Variants in FUBP3 observed in about 807,000 individuals in gnomAD.
FUBP3 encodes far upstream element-binding protein 3.
FUBP3 carries 28 observed loss-of-function variants against 85.6 expected under a neutral mutation model. The observed-to-expected ratio is 0.33, with a 90% confidence interval of 0.24 to 0.45. The LOEUF is 0.45. Among genes scored for constraint, FUBP3 ranks in the 20% least tolerant of loss-of-function variants. The pLI is 1.00. For synonymous variants in FUBP3, 271 were observed against 271.4 expected (o/e 1.00, Z 0.01); for missense variants, 583 against 755.1 (o/e 0.77, Z 2.67).
chr9:130,612,572 G>T lies in FUBP3; in HGVS notation c.274+67G>T. The stretch of plus-strand genomic sequence containing the variant: ...CTTCTTTTTCTCTCTTTTTTTCTGA[G>T]CTGCTTTGCCAGGATGTTCTTTTTG... On this transcript the variant is annotated intron_variant, in intron 4 of 18. Coordinates refer to ENST00000319725, the MANE Select transcript of FUBP3 (RefSeq NM_003934.2). This position sits in a 1 kb window ranked among gnomAD's most constrained non-coding sequence, Gnocchi z 4.1. 1 of 1,005,672 alleles carries T rather than the reference G, an allele frequency of 9.9e-7. No individual in the cohort carries two copies. The allele number at this position is 1,005,672 out of a possible 1,614,324, so 62.3% of individuals were successfully genotyped here. A position where few individuals can be genotyped will look rare whatever the true frequency, so the allele number is the denominator to read the frequency against.
chr9:130,631,081 C>T, intron 13 of FUBP3: 11 of 1,070,866 alleles, frequency 1.0e-5, no homozygotes, highest in Non-Finnish European at 1.3e-5. Context: ...CGGCAGCCTC[C>T]CCCCACGCTG....
intron 12 of FUBP3, among the ~76,000 whole-genome samples, chr9:130,626,922 T>G (rs1003659592): frequency 6.6e-6 from 1 of 152,238 alleles, no homozygotes; most frequent in African/African-American, 2.4e-5. Flanking sequence ...CTTGTTTCCC[T>G]TACCAGGTTT....
chr9:130,589,690 TATATATATA>T (rs1830512917), intron 1 of FUBP3, among the ~76,000 whole-genome samples: 2 of 30,790 alleles, frequency 6.5e-5, no homozygotes, highest in African/African-American at 2.6e-4. Flanking sequence ...TATATATATA[TATATATATA>T]TATATATTTT....
intron 8 of FUBP3, among the ~76,000 whole-genome samples, chr9:130,619,319 T>C (rs1055235457): frequency 4.4e-4 from 63 of 141,806 alleles, no homozygotes; most frequent in Middle Eastern, 3.5e-3. Flanking sequence ...TTTTTTTTTT[T>C]CATTTAGGAG....
intron 7 of FUBP3, among the ~76,000 whole-genome samples, chr9:130,617,368 TC>T (rs1832061093): frequency 6.6e-6 from 1 of 152,194 alleles, no homozygotes; most frequent in South Asian, 2.1e-4. Context: ...AGGGAGTTTA[TC>T]ATTTGGGATC....
At position 130,635,970 on chromosome 9, in the gene FUBP3, T is replaced by TA. The variant is rs1830400482; in HGVS notation, c.1583-27dup. ...CTGCCCAGTGCACCTCCGCTCCCGA[T>TA]AACCTGTGTTTCCTCCTTTGTCAAC... On this transcript the variant is annotated intron_variant, in intron 17 of 18. Coordinates refer to ENST00000319725, the MANE Select transcript of FUBP3 (RefSeq NM_003934.2). The surrounding 1 kb of genome is among the most constrained non-coding windows in gnomAD (Gnocchi z 4.3). 6.2e-7 allele frequency: 1 copy of TA among 1,610,790 alleles called. No individual in the cohort carries two copies. Among genetic ancestry groups the TA allele is most frequent in the African/African-American group, 1.3e-5 (1 of 74,898 alleles).
At chr9:130,620,846 G>A (rs1331485478) in intron 9 of FUBP3, among the ~76,000 whole-genome samples, 3 of 152,168 alleles carry the variant, frequency 2.0e-5, no homozygotes, top group African/African-American at 7.2e-5. Flanking sequence ...TGTTGTATGC[G>A]ACAACATGGA....
chr9:130,624,004 TAA>T (rs143193464), intron 11 of FUBP3, among the ~76,000 whole-genome samples: 2,030 of 151,990 alleles, frequency 0.013, 65 homozygotes, highest in East Asian at 0.099. Context: ...AAGTTTCAAA[TAA>T]TCAAGTGTAT....
At chr9:130,624,157 G>A (rs532784709) in intron 11 of FUBP3, among the ~76,000 whole-genome samples, 1 of 152,296 alleles carries the variant, frequency 6.6e-6, no homozygotes. Context: ...ACAGTGCTAG[G>A]AACCCCTATA....
chr9:130,636,654 C>T (rs138454849), intron 18 of FUBP3, among the ~76,000 whole-genome samples: 7 of 152,340 alleles, frequency 4.6e-5, no homozygotes, highest in South Asian at 2.1e-4. Context: ...GAAGGGAAGA[C>T]GTCCAAATGT....
intron 1 of FUBP3, among the ~76,000 whole-genome samples, chr9:130,589,675 G>GTATATATATATATATATATATATATA (rs1170568300): frequency 5.8e-5 from 2 of 34,312 alleles, no homozygotes; most frequent in East Asian, 1.1e-3. Context: ...GTATGTGTGT[G>GTATATATATATATATATATATATATA]TATATATATA....
chr9:130,612,624 T>A lies in FUBP3; in HGVS notation c.274+119T>A. On this transcript the variant is annotated intron_variant, in intron 4 of 18. Transcript: ENST00000319725. This position sits in a 1 kb window ranked among gnomAD's most constrained non-coding sequence, Gnocchi z 4.1. ...TTTAATCTCTCTTGTGAGTATCACC[T>A]GTAGTAGAATGCTTTGCACATGCCA... 2.7e-6 allele frequency: 2 copies of A among 727,816 alleles called. No homozygotes were observed. Among genetic ancestry groups the A allele is most frequent in the Non-Finnish European group, 4.9e-6 (2 of 408,916 alleles). The allele number at this position is 727,816 out of a possible 1,614,324, so 45.1% of individuals were successfully genotyped here.
intron 1 of FUBP3, among the ~76,000 whole-genome samples, chr9:130,592,799 C>T (rs1830691032): frequency 1.3e-5 from 2 of 152,186 alleles, no homozygotes; most frequent in South Asian, 4.1e-4. Flanking sequence ...CCGCTTTGAC[C>T]TCCCAAAGTG....
At chr9:130,628,118 AC>A (rs1207084466) in intron 12 of FUBP3, among the ~76,000 whole-genome samples, 1 of 151,732 alleles carries the variant, frequency 6.6e-6, no homozygotes, top group Non-Finnish European at 1.5e-5. Context: ...ACACACACAC[AC>A]ACACACACCC....
At chr9:130,583,525 A>G (rs1382082169) in intron 1 of FUBP3, among the ~76,000 whole-genome samples, 1 of 152,228 alleles carries the variant, frequency 6.6e-6, no homozygotes, top group Admixed American at 6.5e-5. Context: ...GTGGTACTCC[A>G]CTGAGACTGT....
chr9:130,590,508 A>G (rs201909560), intron 1 of FUBP3, among the ~76,000 whole-genome samples: 1 of 152,220 alleles, frequency 6.6e-6, no homozygotes, highest in East Asian at 1.9e-4. Context: ...AAAAGGGGGA[A>G]AATAACTTGT....
intron 16 of FUBP3, among the ~76,000 whole-genome samples, chr9:130,633,863 C>G (rs1323702832): frequency 6.6e-6 from 1 of 152,222 alleles, no homozygotes; most frequent in Non-Finnish European, 1.5e-5. Flanking sequence ...GCTGCATGCT[C>G]TCTGCAGTGG....
chr9:130,596,917 A>G (rs963042298), intron 2 of FUBP3, among the ~76,000 whole-genome samples: 1 of 152,250 alleles, frequency 6.6e-6, no homozygotes, highest in South Asian at 2.1e-4. Context: ...AGTTACAAAC[A>G]ATCCAGTTAC....
intron 6 of FUBP3, among the ~76,000 whole-genome samples, chr9:130,615,296 T>C (rs1831945271): frequency 6.6e-6 from 1 of 152,346 alleles, no homozygotes; most frequent in African/African-American, 2.4e-5. Flanking sequence ...GCTGATTCTG[T>C]ACACAAAGGC....
Sources: allele counts gnomAD v4.1 joint callset (sites outside exome capture counted in the v4.1 genomes callset), GRCh38; gene constraint gnomAD v4.1.1; non-coding constraint Gnocchi (gnomAD v3.1); transcripts MANE v1.5; gene names NCBI Gene and HGNC (gene_info 2026-07-23, HGNC 2026-07-21).